Variants in PDLIM1 observed in about 807,000 individuals in gnomAD.
PDLIM1 encodes PDZ and LIM domain protein 1.
A neutral mutation model predicts 35.2 loss-of-function variants in PDLIM1; 25 were observed. That is an observed-to-expected ratio of 0.71 (90% CI 0.52 to 0.99). The LOEUF is 0.99. PDLIM1 is among the 50% of genes least tolerant of loss of function. PDLIM1 has a pLI of 0.00. For missense variants in PDLIM1, 363 were observed against 415.3 expected, an observed-to-expected ratio of 0.87 and a Z score of 1.09; for synonymous variants, 152 against 154.0, an observed-to-expected ratio of 0.99 and a Z score of 0.10.
chr10:95,247,790 T>C (rs903646405), intron 4 of PDLIM1, among the ~76,000 whole-genome samples: 5 of 152,210 alleles, frequency 3.3e-5, no homozygotes, highest in African/African-American at 1.2e-4. Flanking sequence ...GCAGGAATCA[T>C]AGTGTTATTC....
At chr10:95,287,109 A>T (rs1288637019) in intron 1 of PDLIM1, among the ~76,000 whole-genome samples, 5 of 152,164 alleles carry the variant, frequency 3.3e-5, no homozygotes, top group Non-Finnish European at 7.3e-5. Flanking sequence ...GCATTCACTT[A>T]CATGTCATTC....
intron 3 of PDLIM1, among the ~76,000 whole-genome samples, chr10:95,265,263 A>C (rs967178453): frequency 2.0e-5 from 3 of 152,262 alleles, no homozygotes; most frequent in East Asian, 3.9e-4. Flanking sequence ...CTAATTTAAA[A>C]TAAAAGAAAA....
rs944456489 is a variant in PDLIM1 at position 95,268,774 on chromosome 10, T to C, written c.333+4A>G. 2 of 1,595,840 alleles carry C rather than the reference T, an allele frequency of 1.3e-6. No homozygotes were observed. Among genetic ancestry groups the C allele is most frequent in the East Asian group, 2.2e-5 (1 of 44,810 alleles). ...AGCAGCGGCAACGATGAGCAAGAAC[T>C]TACCTGGGGTTCAGAGGCTAAATTC... On this transcript the variant is annotated splice_donor_region_variant and intron_variant, in intron 3 of 6. Transcript: ENST00000329399.
intron 4 of PDLIM1, among the ~76,000 whole-genome samples, chr10:95,248,264 A>G (rs2035240180): frequency 6.6e-6 from 1 of 152,182 alleles, no homozygotes; most frequent in South Asian, 2.1e-4. Context: ...TGTTTTTTAG[A>G]GACAGGGACT....
chr10:95,241,831 G>C (rs2035180709), intron 5 of PDLIM1, among the ~76,000 whole-genome samples: 1 of 152,198 alleles, frequency 6.6e-6, no homozygotes, highest in Non-Finnish European at 1.5e-5. Flanking sequence ...GCCTGGTCCA[G>C]CCCTGCCAAG....
chr10:95,258,545 A>G lies in PDLIM1; in HGVS notation c.533+5319T>C, dbSNP rs140769678. 4.7e-3 allele frequency among the ~76,000 whole-genome samples: 717 copies of G among 152,264 alleles called. 5 individuals are homozygous for G. Among genetic ancestry groups the G allele is most frequent in the African/African-American group, 0.016 (654 of 41,554 alleles). On this transcript the variant is annotated intron_variant, in intron 4 of 6. Transcript: ENST00000329399. The stretch of plus-strand genomic sequence containing the variant: ...AGGAAATTCTGTCATATATTACAAC[A>G]TGGGAAAACCTTGAGGACATTATGG...
chr10:95,285,346 G>C (rs1014861245), intron 1 of PDLIM1, among the ~76,000 whole-genome samples: 3 of 152,174 alleles, frequency 2.0e-5, no homozygotes, highest in African/African-American at 7.2e-5. Flanking sequence ...TGGAGCCCAG[G>C]AGTGTCTTAT....
In PDLIM1 at chr10:95,247,214, C is replaced by T; in HGVS notation, c.685+1G>A. 6.2e-7 allele frequency: 1 copy of T among 1,611,988 alleles called. No homozygotes were observed. Among genetic ancestry groups the T allele is most frequent in the South Asian group, 1.1e-5 (1 of 90,416 alleles). On this transcript the variant is annotated splice_donor_variant, in intron 5 of 6. Coordinates refer to ENST00000329399, the MANE Select transcript of PDLIM1 (RefSeq NM_020992.4). LOFTEE classifies it high-confidence loss of function. ...CTCTGACTGCAGATGGAGCTGATTA[C>T]CTTTTTCTTCAGACTCCAGGATTTC...
Position 95,249,971 on chromosome 10 carries a change from C to A in PDLIM1, c.534-2605G>T, listed in dbSNP as rs549772075. 8.0e-4 allele frequency among the ~76,000 whole-genome samples: 122 copies of A among 152,284 alleles called. 3 individuals carry two copies. In the South Asian group the frequency reaches 0.025, roughly 31 times the overall value. On this transcript the variant is annotated intron_variant, in intron 4 of 6. Coordinates refer to ENST00000329399, the MANE Select transcript of PDLIM1 (RefSeq NM_020992.4). ...CACTCCTGCTTGGCCTCTTCCCCCA[C>A]CTGCAGGGAACTGTGGGTGCCTCTC...
At chr10:95,238,909 A>G in intron 5 of PDLIM1, 1 of 459,574 alleles carries the variant, frequency 2.2e-6, no homozygotes. Flanking sequence ...CAAAAAGCCA[A>G]GACAATCCTA....
At chr10:95,255,140 G>C (rs45604338) in intron 4 of PDLIM1, among the ~76,000 whole-genome samples, 69 of 151,942 alleles carry the variant, frequency 4.5e-4, no homozygotes, top group African/African-American at 1.5e-3. Flanking sequence ...GGTTCAATCA[G>C]TAATCAAAAA....
rs371730712 is a variant in PDLIM1, at chr10:95,238,621, C to T, written c.750G>A (p.Ser250=). Residue 250 remains serine, a synonymous_variant, in exon 6 of 7, where the codon TCG becomes TCA. Coordinates refer to ENST00000329399, the MANE Select transcript of PDLIM1 (RefSeq NM_020992.4). ...TAGGCAACTTCTGAGCATTTCCAAT[C>T]GACGCAGCCACTTTAGTGACAGGAG... The part of the protein sequence containing the change: ...VKAPVTKVAA[S]IGNAQKLPMC... 2.5e-6 allele frequency: 4 copies of T among 1,614,102 alleles called. No individual in the cohort carries two copies. Among genetic ancestry groups the T allele is most frequent in the East Asian group, 2.2e-5 (1 of 44,882 alleles).
chr10:95,261,771 G>A (rs980039470), intron 4 of PDLIM1, among the ~76,000 whole-genome samples: 48 of 152,186 alleles, frequency 3.2e-4, no homozygotes, highest in African/African-American at 1.2e-3. Context: ...CACTTTGGGA[G>A]GCCGAGGCAG....
At chr10:95,257,289 C>T (rs1320406337) in intron 4 of PDLIM1, among the ~76,000 whole-genome samples, 5 of 151,720 alleles carry the variant, frequency 3.3e-5, no homozygotes, top group Non-Finnish European at 5.9e-5. Flanking sequence ...GAATATGACA[C>T]AAAAACACAA....
rs530797638 is a variant in PDLIM1 at position 95,238,841 on chromosome 10, T to C, written c.686-156A>G. The C allele has an allele frequency of 9.6e-4, 532 of 551,866 alleles. 1 individual carries two copies. Among genetic ancestry groups the C allele is most frequent in the Non-Finnish European group, 1.3e-3 (396 of 301,644 alleles). The allele number at this position is 551,866 out of a possible 1,614,324, so 34.2% of individuals were successfully genotyped here. A position where few individuals can be genotyped will look rare whatever the true frequency, so the allele number is the denominator to read the frequency against. ...TCCTGGGCAAGTAACTTAGCCTCTCTGGTCCCCAGTTTATTTTTCTATAAA... is the reference window on the plus strand; with the variant it reads ...TCCTGGGCAAGTAACTTAGCCTCTCCGGTCCCCAGTTTATTTTTCTATAAA... On this transcript the variant is annotated intron_variant, in intron 5 of 6. Coordinates refer to ENST00000329399, the MANE Select transcript of PDLIM1 (RefSeq NM_020992.4).
intron 1 of PDLIM1, among the ~76,000 whole-genome samples, chr10:95,277,290 A>G (rs186204808): frequency 5.9e-5 from 9 of 152,120 alleles, no homozygotes; most frequent in Non-Finnish European, 1.2e-4. Flanking sequence ...TTTTCCCCAG[A>G]GACCATACAA....
At chr10:95,253,940 T>G (rs1418458243) in intron 4 of PDLIM1, among the ~76,000 whole-genome samples, 1 of 152,102 alleles carries the variant, frequency 6.6e-6, no homozygotes. Context: ...ATAAGTTATA[T>G]ATACACAATG....
At chr10:95,243,345 C>T (rs1180022750) in intron 5 of PDLIM1, among the ~76,000 whole-genome samples, 2 of 152,196 alleles carry the variant, frequency 1.3e-5, no homozygotes, top group Admixed American at 6.5e-5. Context: ...CAGGCAACTA[C>T]AAAAATTTCC....
intron 5 of PDLIM1, 70 bp downstream of exon 5, chr10:95,247,145 G>A: frequency 7.1e-7 from 1 of 1,399,856 alleles, no homozygotes; most frequent in South Asian, 1.3e-5. Context: ...GTTCACCTGT[G>A]CTTCCACAAT....
Sources: gnomAD v4.1 joint callset for allele counts (sites outside exome capture counted in the v4.1 genomes callset) on GRCh38, gnomAD v4.1.1 for gene constraint, MANE v1.5 for transcripts, NCBI Gene and HGNC (gene_info 2026-07-23, HGNC 2026-07-21) for gene names.